The following MDGA2 variants were observed in gnomAD, a reference collection of about 807,000 sequenced individuals.
MDGA2 encodes the protein MAM domain containing glycosylphosphatidylinositol anchor 2.
A neutral mutation model predicts 117.8 loss-of-function variants in MDGA2; 40 were observed. The observed-to-expected ratio is 0.34, with a 90% CI of 0.26 to 0.44. MDGA2 has a LOEUF of 0.44. Ranked by LOEUF, MDGA2 falls within the 20% of genes least tolerant of loss-of-function variation. The pLI is 1.00. For synonymous variants in MDGA2, 452 were observed against 439.0 expected (o/e 1.03, Z -0.37); for missense variants, 1,123 against 1,250.6 (o/e 0.90, Z 1.54).
chr14:47,463,633 A>C (rs948296421), intron 1 of MDGA2, among the ~76,000 whole-genome samples: 7 of 152,176 alleles, frequency 4.6e-5, no homozygotes, highest in Admixed American at 4.6e-4. Context: ...AGAGAGGGGT[A>C]GGGGATTATC....
chr14:46,920,845 C>A (rs1884100008), intron 9 of MDGA2, among the ~76,000 whole-genome samples: 1 of 152,150 alleles, frequency 6.6e-6, no homozygotes, highest in Non-Finnish European at 1.5e-5. Flanking sequence ...TTTGTATTAC[C>A]TGCAGCTTTC....
intron 2 of MDGA2, among the ~76,000 whole-genome samples, chr14:47,287,308 T>A (rs555334217): frequency 2.9e-4 from 44 of 152,162 alleles, no homozygotes; most frequent in African/African-American, 1.0e-3. Flanking sequence ...TGGGAACAAG[T>A]AGAAGGGACC....
chr14:47,145,431 C>T (rs141489451), intron 3 of MDGA2, among the ~76,000 whole-genome samples: 6 of 152,226 alleles, frequency 3.9e-5, no homozygotes, highest in African/African-American at 1.4e-4. Context: ...CATAATCTGC[C>T]AACCCCTGAT....
At chr14:47,522,125 A>C (rs1001445762) in intron 1 of MDGA2, among the ~76,000 whole-genome samples, 5 of 152,180 alleles carry the variant, frequency 3.3e-5, no homozygotes, top group African/African-American at 1.2e-4. Flanking sequence ...CTGAACTAAA[A>C]TTAAACACAT....
chr14:47,429,495 A>T (rs1892756589), intron 1 of MDGA2, among the ~76,000 whole-genome samples: 1 of 152,044 alleles, frequency 6.6e-6, no homozygotes, highest in South Asian at 2.1e-4. Context: ...TTCTTCTCTC[A>T]TAGCATTCTG....
At chr14:47,201,155 G>A in intron 3 of MDGA2, 1 of 685,104 alleles carries the variant, frequency 1.5e-6, no homozygotes, top group East Asian at 2.8e-5. Context: ...TGCATTAGCT[G>A]CTAGTTTACC....
At chr14:47,073,626 T>C (rs1890374508) in intron 6 of MDGA2, among the ~76,000 whole-genome samples, 1 of 152,186 alleles carries the variant, frequency 6.6e-6, no homozygotes, top group African/African-American at 2.4e-5. Context: ...AGACAAAGAC[T>C]GACAGTATTT....
intron 1 of MDGA2, among the ~76,000 whole-genome samples, chr14:47,487,064 T>A (rs768519347): frequency 6.6e-6 from 1 of 152,226 alleles, no homozygotes; most frequent in African/African-American, 2.4e-5. Flanking sequence ...CCCTTAGCTA[T>A]GAAAAATAAC....
At chr14:47,540,561 T>TACACAC (rs1463939269) in intron 1 of MDGA2, among the ~76,000 whole-genome samples, 32 of 100,352 alleles carry the variant, frequency 3.2e-4, no homozygotes, top group African/African-American at 9.6e-4. Context: ...TATGTATATA[T>TACACAC]ATACACACAC....
chr14:47,254,254 C>T (rs1887545455), intron 2 of MDGA2, among the ~76,000 whole-genome samples: 1 of 152,222 alleles, frequency 6.6e-6, no homozygotes, highest in South Asian at 2.1e-4. Flanking sequence ...TGAATTTCTC[C>T]TCAGAAAATT....
At chr14:47,013,173 C>G (rs1049028543) in intron 8 of MDGA2, among the ~76,000 whole-genome samples, 1 of 152,166 alleles carries the variant, frequency 6.6e-6, no homozygotes, top group African/African-American at 2.4e-5. Flanking sequence ...TAGCATTTTA[C>G]CCATGGTAGA....
chr14:47,414,908 A>C (rs1248521644), intron 1 of MDGA2, among the ~76,000 whole-genome samples: 1 of 152,148 alleles, frequency 6.6e-6, no homozygotes, highest in Non-Finnish European at 1.5e-5. Flanking sequence ...GTAAAGATTT[A>C]GATATAATTC....
At chr14:47,177,936 T>A (rs1884542704) in intron 3 of MDGA2, among the ~76,000 whole-genome samples, 1 of 152,102 alleles carries the variant, frequency 6.6e-6, no homozygotes, top group Non-Finnish European at 1.5e-5. Context: ...CAAAGGTTAA[T>A]AAAAATGCTT....
At chr14:47,295,535 T>C (rs192171282) in intron 2 of MDGA2, among the ~76,000 whole-genome samples, 102 of 80,912 alleles carry the variant, frequency 1.3e-3, no homozygotes, top group African/African-American at 3.6e-3. Flanking sequence ...ATAGGGTAGA[T>C]AAAAAATGTT....
chr14:47,579,189 A>G (rs1035062300), intron 1 of MDGA2, among the ~76,000 whole-genome samples: 3 of 152,126 alleles, frequency 2.0e-5, no homozygotes, highest in Non-Finnish European at 2.9e-5. Flanking sequence ...CCTTTTATCA[A>G]AATAGAATGG....
intron 2 of MDGA2, among the ~76,000 whole-genome samples, chr14:47,295,931 A>AGGTAGAT (rs143119375): frequency 6.0e-5 from 8 of 132,426 alleles, no homozygotes; most frequent in Non-Finnish European, 1.2e-4. Context: ...GATAGATGAT[A>AGGTAGAT]AGATAGATAG....
intron 4 of MDGA2, among the ~76,000 whole-genome samples, chr14:47,139,451 A>G (rs908811517): frequency 6.6e-6 from 1 of 151,946 alleles, no homozygotes; most frequent in Non-Finnish European, 1.5e-5. Flanking sequence ...TTTCCTTTAT[A>G]TATCAACAAA....
At chr14:47,323,149 G>GATACATATATATAT in intron 1 of MDGA2, among the ~76,000 whole-genome samples, 1 of 107,702 alleles carries the variant, frequency 9.3e-6, no homozygotes, top group African/African-American at 3.8e-5. Context: ...AAGAGTCATG[G>GATACATATATATAT]ATATATATAT....
intron 5 of MDGA2, among the ~76,000 whole-genome samples, chr14:47,113,333 A>C (rs920943106): frequency 6.6e-6 from 1 of 152,120 alleles, no homozygotes; most frequent in African/African-American, 2.4e-5. Flanking sequence ...ACAACAACAA[A>C]AAAGGCCCAC....
Sources: gnomAD v4.1 joint callset for allele counts (sites outside exome capture counted in the v4.1 genomes callset) on GRCh38, gnomAD v4.1.1 for gene constraint, MANE v1.5 for transcripts, NCBI Gene and HGNC (gene_info 2026-07-23, HGNC 2026-07-21) for gene names.